The following GLRA2 variants were observed in gnomAD, a reference collection of about 807,000 sequenced individuals.
GLRA2 encodes the protein glycine receptor subunit alpha-2.
GLRA2 carries 11 observed loss-of-function variants against 31.6 expected under a neutral mutation model. The ratio of observed to expected loss-of-function variants is 0.35; its 90% CI spans 0.22 to 0.58. The LOEUF (loss-of-function observed/expected upper bound fraction) is 0.58, where lower values mean the gene tolerates loss of function less well. Ranked by LOEUF, GLRA2 falls within the 20% of genes least tolerant of loss-of-function variation. GLRA2 has a pLI of 0.84. For missense variants in GLRA2, 212 were observed against 351.8 expected (o/e 0.60, Z 3.18); for synonymous variants, 132 against 134.0 (o/e 0.99, Z 0.10).
At chrX:14,603,390 G>T (rs1185695761) in intron 4 of GLRA2, among the ~76,000 whole-genome samples, 1 of 111,276 alleles carries the variant, frequency 9.0e-6, no homozygotes, top group African/African-American at 3.3e-5. Context: ...TGTTTACTCT[G>T]CTGACTGTTC....
chrX:14,541,112 C>G (rs768285677), intron 2 of GLRA2, among the ~76,000 whole-genome samples: 1 of 111,994 alleles, frequency 8.9e-6, no homozygotes, highest in Non-Finnish European at 1.9e-5. Flanking sequence ...GTAATTCCCT[C>G]CAGGCTCCCC....
the GLRA2 span, among the ~76,000 whole-genome samples, chrX:14,484,498 C>T: frequency 8.9e-6 from 1 of 111,806 alleles, no homozygotes; most frequent in African/African-American, 3.2e-5. Context: ...AGAATTTGGG[C>T]ATAATTTCAT....
chrX:14,697,763 G>GA (rs2091469740), intron 8 of GLRA2, among the ~76,000 whole-genome samples: 1 of 111,681 alleles, frequency 9.0e-6, no homozygotes, highest in Admixed American at 9.5e-5. Flanking sequence ...GGGAAACATG[G>GA]AAAATCACAG....
chrX:14,621,207 T>C (rs2090511871), intron 7 of GLRA2, among the ~76,000 whole-genome samples: 1 of 111,429 alleles, frequency 9.0e-6, no homozygotes, highest in African/African-American at 3.3e-5. Flanking sequence ...AGGAAGGGTC[T>C]CTAAAGCAGG....
intron 2 of GLRA2, among the ~76,000 whole-genome samples, chrX:14,536,168 G>A (rs1168938168): frequency 8.9e-6 from 1 of 111,925 alleles, no homozygotes; most frequent in Non-Finnish European, 1.9e-5. Context: ...CCTGAAATAT[G>A]TTTTTCTGCA....
At chrX:14,561,393 T>C (rs113507986) in intron 2 of GLRA2, among the ~76,000 whole-genome samples, 3 of 112,629 alleles carry the variant, frequency 2.7e-5, no homozygotes, top group African/African-American at 9.7e-5. Context: ...CCAGGCAAAG[T>C]TGGCTTACAG....
chrX:14,493,643 AT>A, the GLRA2 span, among the ~76,000 whole-genome samples: 23 of 100,728 alleles, frequency 2.3e-4, no homozygotes, highest in African/African-American at 7.9e-4. Context: ...ATATATACAT[AT>A]ATATACATAT....
At chrX:14,459,292 G>A in the GLRA2 span, among the ~76,000 whole-genome samples, 2 of 111,671 alleles carry the variant, frequency 1.8e-5, no homozygotes, top group Non-Finnish European at 3.8e-5. Flanking sequence ...GGTATACTTT[G>A]AAGTCAGGTA....
chrX:14,616,017 C>G (rs946607837), intron 7 of GLRA2, among the ~76,000 whole-genome samples: 2 of 111,116 alleles, frequency 1.8e-5, no homozygotes, highest in Admixed American at 1.9e-4. Context: ...CCCCAAGAAG[C>G]TATTGTGCTG....
At chrX:14,695,552 A>G (rs1010718744) in intron 8 of GLRA2, among the ~76,000 whole-genome samples, 2 of 112,186 alleles carry the variant, frequency 1.8e-5, no homozygotes, top group African/African-American at 6.5e-5. Flanking sequence ...CAGTTCATAG[A>G]TGGAGATACT....
chrX:14,622,802 T>C (rs2090537417), intron 7 of GLRA2, among the ~76,000 whole-genome samples: 1 of 112,034 alleles, frequency 8.9e-6, no homozygotes, highest in Admixed American at 9.5e-5. Context: ...CCTCCAGCTT[T>C]ACTCTTTTTG....
chrX:14,459,817 A>G, the GLRA2 span, among the ~76,000 whole-genome samples: 10 of 111,975 alleles, frequency 8.9e-5, no homozygotes, highest in Non-Finnish European at 1.5e-4. Context: ...TCATCTGCAA[A>G]CAGAGACAAT....
chrX:14,580,962 C>A (rs970505327), intron 3 of GLRA2, among the ~76,000 whole-genome samples: 1 of 111,755 alleles, frequency 8.9e-6, no homozygotes, highest in Non-Finnish European at 1.9e-5. Context: ...CAAGTCAACC[C>A]GTTTTATTGG....
the GLRA2 span, among the ~76,000 whole-genome samples, chrX:14,520,155 A>C: frequency 1.8e-5 from 2 of 112,215 alleles, no homozygotes; most frequent in Non-Finnish European, 3.8e-5. Flanking sequence ...TTAGATACTC[A>C]TGAAGTCAAT....
the GLRA2 span, among the ~76,000 whole-genome samples, chrX:14,521,623 T>C: frequency 2.7e-5 from 3 of 111,536 alleles, no homozygotes; most frequent in Non-Finnish European, 5.6e-5. Context: ...TTAGTCTCCA[T>C]AAGTGCATGA....
At chrX:14,648,442 G>GA (rs1191918932) in intron 7 of GLRA2, among the ~76,000 whole-genome samples, 1 of 111,576 alleles carries the variant, frequency 9.0e-6, no homozygotes, top group East Asian at 2.8e-4. Flanking sequence ...AAACAGCAGG[G>GA]AAAATCTCTG....
At chrX:14,502,243 C>G in the GLRA2 span, among the ~76,000 whole-genome samples, 1 of 111,416 alleles carries the variant, frequency 9.0e-6, no homozygotes, top group Non-Finnish European at 1.9e-5. Flanking sequence ...GTTACCTTCT[C>G]CATTAAATGA....
At chrX:14,695,019 A>G (rs949124779) in intron 8 of GLRA2, among the ~76,000 whole-genome samples, 3 of 112,105 alleles carry the variant, frequency 2.7e-5, no homozygotes, top group Non-Finnish European at 3.8e-5. Flanking sequence ...ACATCTCGAT[A>G]GAGTTGGCAA....
intron 2 of GLRA2, among the ~76,000 whole-genome samples, chrX:14,534,867 A>G (rs1031051326): frequency 2.7e-5 from 3 of 110,750 alleles, no homozygotes; most frequent in African/African-American, 9.8e-5. Context: ...GAAGGAAAGA[A>G]AAGACAGAGA....
Sources: allele counts gnomAD v4.1 joint callset (sites outside exome capture counted in the v4.1 genomes callset), GRCh38; gene constraint gnomAD v4.1.1; transcripts MANE v1.5; gene names NCBI Gene and HGNC (gene_info 2026-07-23, HGNC 2026-07-21).